XRRA1: variants seen among roughly 807,000 people sequenced by gnomAD.
XRRA1 encodes X-ray radiation resistance associated 1.
Under a neutral mutation model 80.2 loss-of-function variants are expected in XRRA1, and 69 were observed. That is an observed-to-expected ratio of 0.86 (90% CI 0.71 to 1.05). The LOEUF is 1.05. Ranked by LOEUF, XRRA1 falls within the 50% of genes least tolerant of loss-of-function variation. The pLI, the probability that XRRA1 is intolerant of heterozygous loss-of-function variation, is 0.00. For missense variants in XRRA1, 967 were observed against 976.4 expected, an observed-to-expected ratio of 0.99 and a Z score of 0.13; for synonymous variants, 348 against 389.9, an observed-to-expected ratio of 0.89 and a Z score of 1.27.
At chr11:74,913,026 T>C (rs1033429372) in intron 8 of XRRA1, among the ~76,000 whole-genome samples, 11 of 152,086 alleles carry the variant, frequency 7.2e-5, no homozygotes, top group African/African-American at 1.2e-4. Context: ...ATCATAAAGG[T>C]CAGATGGAAG....
intron 15 of XRRA1, 144 bp downstream of exon 15, chr11:74,847,971 G>A: frequency 1.4e-6 from 1 of 709,814 alleles, no homozygotes; most frequent in Non-Finnish European, 2.3e-6. Context: ...AGGCTTGCAA[G>A]CTCCACCAAG....
intron 10 of XRRA1, chr11:74,863,721 A>G (rs2042798763): frequency 6.6e-6 from 1 of 152,258 alleles, no homozygotes. Context: ...CTACATGTTA[A>G]TGATATTATA....
intron 1 of XRRA1, among the ~76,000 whole-genome samples, chr11:74,948,506 C>A (rs1166068487): frequency 6.6e-6 from 1 of 152,180 alleles, no homozygotes; most frequent in Non-Finnish European, 1.5e-5. Context: ...TAATTAAAAT[C>A]TAGAATACTA....
chr11:74,901,326 G>C (rs1301608781), intron 10 of XRRA1, among the ~76,000 whole-genome samples: 2 of 152,128 alleles, frequency 1.3e-5, no homozygotes, highest in African/African-American at 4.8e-5. Flanking sequence ...CCATGTTCAT[G>C]GATTGGAGGA....
rs2036788725 is a variant in XRRA1, at chr11:74,842,913, G to A, written c.*287C>T. The A allele has an allele frequency of 2.5e-6, 1 of 406,300 alleles. No homozygotes were observed. The highest frequency in any genetic ancestry group is 6.5e-5 in the South Asian group (1 of 15,322). The allele number at this position is 406,300 out of a possible 1,614,324, so 25.2% of individuals were successfully genotyped here. A position where few individuals can be genotyped will look rare whatever the true frequency, so the allele number is the denominator to read the frequency against. Reference sequence around the variant, plus strand: ...GAAAACCATTTTTAGAGGGAAGTGTGACAATGCTGCTGTGGCCTGGGTTCC... The same window carrying A: ...GAAAACCATTTTTAGAGGGAAGTGTAACAATGCTGCTGTGGCCTGGGTTCC... On this transcript the variant is annotated 3_prime_UTR_variant, in exon 19 of 19. Coordinates refer to ENST00000684022, the MANE Select transcript of XRRA1 (RefSeq NM_001378157.1).
At chr11:74,884,076 G>A (rs1375586257) in intron 10 of XRRA1, among the ~76,000 whole-genome samples, 1 of 152,036 alleles carries the variant, frequency 6.6e-6, no homozygotes, top group Non-Finnish European at 1.5e-5. Flanking sequence ...GGGCACACCT[G>A]TAATTCCAGC....
chr11:74,856,117 G>A (rs762635452), intron 12 of XRRA1, among the ~76,000 whole-genome samples: 2 of 152,188 alleles, frequency 1.3e-5, no homozygotes, highest in African/African-American at 2.4e-5. Flanking sequence ...GGGCTACAGA[G>A]CGAAACTCCA....
intron 1 of XRRA1, among the ~76,000 whole-genome samples, chr11:74,948,428 C>T (rs897272554): frequency 5.4e-4 from 82 of 152,236 alleles, no homozygotes; most frequent in African/African-American, 1.9e-3. Context: ...GAGTAGCAAC[C>T]AGGTCTATCT....
intron 9 of XRRA1, 103 bp downstream of exon 9, chr11:74,907,042 C>A: frequency 6.8e-7 from 1 of 1,478,328 alleles, no homozygotes; most frequent in Non-Finnish European, 9.2e-7. Context: ...AATTGTGGAG[C>A]TAGGCTTTAA....
At chr11:74,864,125 C>T (rs1445379558) in intron 10 of XRRA1, 2 of 152,086 alleles carry the variant, frequency 1.3e-5, no homozygotes, top group African/African-American at 2.4e-5. Context: ...GTTTATTTAA[C>T]AAAAGTTATA....
At chr11:74,909,070 C>A (rs1320483015) in intron 8 of XRRA1, among the ~76,000 whole-genome samples, 2 of 152,162 alleles carry the variant, frequency 1.3e-5, no homozygotes, top group Non-Finnish European at 2.9e-5. Context: ...TTCTTACAAT[C>A]AATTCCCCCC....
intron 14 of XRRA1, 90 bp downstream of exon 14, chr11:74,850,996 GGA>G: frequency 1.2e-6 from 1 of 865,022 alleles, no homozygotes; most frequent in South Asian, 1.9e-5. Context: ...CAGGCACTGT[GGA>G]GTGAGCAGCT....
chr11:74,919,875 A>C (rs1178130135), intron 8 of XRRA1: 1 of 402,652 alleles, frequency 2.5e-6, no homozygotes, highest in Non-Finnish European at 4.7e-6. Context: ...ATGAGGATGA[A>C]GATTCACCAA....
In XRRA1 at chr11:74,916,761, T is replaced by C. The variant is rs375339328; in HGVS notation, c.656+4453A>G. The stretch of plus-strand genomic sequence containing the variant: ...AAAGCTGAATATTTGAATCTATTAA[T>C]ATGGTAACTCTAGAAATCAGATTCT... On this transcript the variant is annotated intron_variant, in intron 8 of 18. Transcript: ENST00000684022. 5.3e-5 allele frequency among the ~76,000 whole-genome samples: 8 copies of C among 152,188 alleles called. No individual in the cohort carries two copies. In the East Asian group the frequency reaches 7.7e-4, roughly 15 times the overall value.
chr11:74,871,962 C>T (rs1454050760), intron 10 of XRRA1, among the ~76,000 whole-genome samples: 1 of 152,124 alleles, frequency 6.6e-6, no homozygotes, highest in Non-Finnish European at 1.5e-5. Context: ...AATTTGGAGA[C>T]AAGCAGTATG....
At position 74,936,936 on chromosome 11, in the gene XRRA1, C is replaced by T. The variant is rs199520391; in HGVS notation, c.227G>A (p.Arg76Gln). The change falls in exon 4 of 19, where the codon CGG becomes CAG. Residue 76 changes from arginine to glutamine, a missense_variant. Coordinates refer to ENST00000684022, the MANE Select transcript of XRRA1 (RefSeq NM_001378157.1). Reference sequence around the variant, plus strand: ...AGGAAGGTCCACCTGATTTTCCCGCCGAGACTCTTTCTTCCCCTTGAACTC... The same window carrying T: ...AGGAAGGTCCACCTGATTTTCCCGCTGAGACTCTTTCTTCCCCTTGAACTC... ...SFEFKGKKESRRENQVDLPGH... is the reference protein window; with the variant it reads ...SFEFKGKKESQRENQVDLPGH... 115 of 1,613,812 alleles carry T rather than the reference C, an allele frequency of 7.1e-5. No homozygotes were observed. The African/African-American group carries it at 1.2e-3, about 17-fold the overall frequency.
At chr11:74,921,614 C>G (rs1201212843) in intron 7 of XRRA1, among the ~76,000 whole-genome samples, 1 of 152,146 alleles carries the variant, frequency 6.6e-6, no homozygotes, top group Non-Finnish European at 1.5e-5. Context: ...TAGATCTTTG[C>G]TTGTGCTTTT....
At chr11:74,916,668 G>A (rs1048303628) in intron 8 of XRRA1, among the ~76,000 whole-genome samples, 9 of 151,782 alleles carry the variant, frequency 5.9e-5, no homozygotes, top group African/African-American at 2.2e-4. Flanking sequence ...AGTTTCTGTT[G>A]CTTAATTTTT....
At chr11:74,921,181 AAC>A (rs766005276) in intron 8 of XRRA1, 31 bp downstream of exon 8, 7 of 1,608,166 alleles carry the variant, frequency 4.4e-6, no homozygotes, top group Non-Finnish European at 6.0e-6. Context: ...TGTACACAAA[AAC>A]ACAGAATGGA....
Sources: gnomAD v4.1 joint callset for allele counts (sites outside exome capture counted in the v4.1 genomes callset) on GRCh38, gnomAD v4.1.1 for gene constraint, MANE v1.5 for transcripts, NCBI Gene and HGNC (gene_info 2026-07-23, HGNC 2026-07-21) for gene names.